The following CSNK1G3 variants were observed in gnomAD, a reference collection of about 807,000 sequenced individuals.
CSNK1G3 encodes the protein casein kinase I isoform gamma-3.
In CSNK1G3, 23 loss-of-function variants were observed where a neutral mutation model predicts 64.3. The observed-to-expected ratio is 0.36, with a 90% CI of 0.26 to 0.51. CSNK1G3 has a LOEUF of 0.51. Ranked by LOEUF, CSNK1G3 falls within the 20% of genes least tolerant of loss-of-function variation. The pLI, the probability that CSNK1G3 is intolerant of heterozygous loss-of-function variation, is 0.96. For missense variants in CSNK1G3, 357 were observed against 510.5 expected (o/e 0.70, Z 2.90); for synonymous variants, 158 against 162.2 (o/e 0.97, Z 0.20).
chr5:123,613,221 T>C (rs993703160), intron 12 of CSNK1G3, among the ~76,000 whole-genome samples: 3 of 151,782 alleles, frequency 2.0e-5, no homozygotes, highest in Admixed American at 1.3e-4. Context: ...GATCAGTGAT[T>C]TTTTCAGTTC....
intron 2 of CSNK1G3, among the ~76,000 whole-genome samples, chr5:123,551,681 TGGA>T (rs1489148379): frequency 6.6e-5 from 10 of 152,314 alleles, no homozygotes; most frequent in Admixed American, 4.6e-4. Context: ...AGCTGCTGTA[TGGA>T]AGGAGGTTCA....
chr5:123,563,384 T>C (rs1302079322), intron 4 of CSNK1G3, among the ~76,000 whole-genome samples: 2 of 152,058 alleles, frequency 1.3e-5, no homozygotes, highest in Admixed American at 1.3e-4. Context: ...TGCTGTCTTT[T>C]AAAAGGTGTT....
intron 1 of CSNK1G3, among the ~76,000 whole-genome samples, chr5:123,533,190 C>T (rs1780217370): frequency 6.6e-6 from 1 of 151,854 alleles, no homozygotes; most frequent in Non-Finnish European, 1.5e-5. Flanking sequence ...CTGTACTTTG[C>T]AGGATGTGGA....
intron 12 of CSNK1G3, among the ~76,000 whole-genome samples, chr5:123,613,551 A>G (rs910216877): frequency 6.6e-6 from 1 of 151,852 alleles, no homozygotes; most frequent in Non-Finnish European, 1.5e-5. Flanking sequence ...ATATTTAGAG[A>G]TGGGGTCTTG....
At chr5:123,533,354 G>T (rs1201489132) in intron 1 of CSNK1G3, among the ~76,000 whole-genome samples, 2 of 151,760 alleles carry the variant, frequency 1.3e-5, no homozygotes, top group African/African-American at 2.4e-5. Context: ...TTTTTGCTAA[G>T]ATTGAATTTA....
chr5:123,585,459 C>T (rs372808433), intron 6 of CSNK1G3, among the ~76,000 whole-genome samples: 1 of 152,018 alleles, frequency 6.6e-6, no homozygotes, highest in African/African-American at 2.4e-5. Flanking sequence ...GAGGAAAAAA[C>T]CCCTGATAAA....
intron 10 of CSNK1G3, among the ~76,000 whole-genome samples, chr5:123,596,236 G>A (rs1320338094): frequency 5.3e-5 from 8 of 152,136 alleles, no homozygotes; most frequent in Non-Finnish European, 1.2e-4. Context: ...GTAATGTGTG[G>A]TAGACTTATT....
exon 1 of CSNK1G3, chr5:123,512,538 AC>A (rs2149837192): frequency 6.6e-6 from 1 of 150,762 alleles, no homozygotes; most frequent in Non-Finnish European, 1.5e-5. Context: ...CGCGCCCGGG[AC>A]CGACCCCTCT....
intron 1 of CSNK1G3, among the ~76,000 whole-genome samples, chr5:123,536,131 A>G (rs951859942): frequency 2.6e-5 from 4 of 152,160 alleles, no homozygotes; most frequent in Non-Finnish European, 4.4e-5. Context: ...ACCTACACAT[A>G]TTTCTGTACA....
At chr5:123,527,470 T>G (rs561482093) in intron 1 of CSNK1G3, among the ~76,000 whole-genome samples, 2 of 152,306 alleles carry the variant, frequency 1.3e-5, no homozygotes, top group South Asian at 4.1e-4. Context: ...CTATTTCAGC[T>G]TGCACATTTC....
chr5:123,566,351 G>A (rs1223467993), intron 4 of CSNK1G3, among the ~76,000 whole-genome samples: 3 of 152,128 alleles, frequency 2.0e-5, no homozygotes, highest in South Asian at 4.1e-4. Flanking sequence ...AAAGATATTG[G>A]AAATTATCAG....
intron 1 of CSNK1G3, among the ~76,000 whole-genome samples, chr5:123,528,859 A>G (rs547165155): frequency 1.6e-4 from 25 of 152,316 alleles, no homozygotes; most frequent in African/African-American, 5.8e-4. Context: ...TTGTAACCCT[A>G]AACTCAGTAA....
intron 12 of CSNK1G3, 24 bp from the exon 14 acceptor site, chr5:123,614,315 TAAA>T (rs910980202): frequency 1.2e-6 from 2 of 1,601,912 alleles, no homozygotes; most frequent in South Asian, 2.3e-5. Flanking sequence ...GCTTTTAAAA[TAAA>T]AAGAGTGTTT....
At chr5:123,514,060 AC>A (rs1776710052) in intron 1 of CSNK1G3, among the ~76,000 whole-genome samples, 2 of 152,224 alleles carry the variant, frequency 1.3e-5, no homozygotes, top group African/African-American at 4.8e-5. Flanking sequence ...GTTATCAAAT[AC>A]ATTGTGTGGC....
At chr5:123,526,373 G>T (rs1285361991) in intron 1 of CSNK1G3, among the ~76,000 whole-genome samples, 1 of 151,968 alleles carries the variant, frequency 6.6e-6, no homozygotes, top group Non-Finnish European at 1.5e-5. Flanking sequence ...TTTTTAAATG[G>T]CAGAAGTTAA....
intron 1 of CSNK1G3, among the ~76,000 whole-genome samples, chr5:123,532,150 T>A (rs927285125): frequency 1.3e-5 from 2 of 151,946 alleles, no homozygotes; most frequent in Non-Finnish European, 2.9e-5. Flanking sequence ...TAATGTACAC[T>A]CTGAATTTTG....
At chr5:123,597,637 A>G (rs994500179) in intron 10 of CSNK1G3, among the ~76,000 whole-genome samples, 12 of 152,100 alleles carry the variant, frequency 7.9e-5, no homozygotes, top group African/African-American at 2.9e-4. Flanking sequence ...CTTTTAGTAG[A>G]AGTTATCAGC....
chr5:123,601,257 T>G (rs1794450893), intron 10 of CSNK1G3, among the ~76,000 whole-genome samples: 1 of 152,232 alleles, frequency 6.6e-6, no homozygotes, highest in African/African-American at 2.4e-5. Context: ...TATCTTCATT[T>G]CTTCTTTGTA....
At chr5:123,518,224 A>G (rs1236929236) in intron 1 of CSNK1G3, among the ~76,000 whole-genome samples, 9 of 152,258 alleles carry the variant, frequency 5.9e-5, no homozygotes, top group Non-Finnish European at 2.9e-5. Context: ...TGAGCCTCCT[A>G]TCTCACCTAG....
Sources: gnomAD v4.1 joint callset for allele counts (sites outside exome capture counted in the v4.1 genomes callset) on GRCh38, gnomAD v4.1.1 for gene constraint, MANE v1.5 for transcripts, NCBI Gene and HGNC (gene_info 2026-07-23, HGNC 2026-07-21) for gene names.